RFX1: variants seen among roughly 807,000 people sequenced by gnomAD.
The protein encoded by RFX1 is MHC class II regulatory factor RFX1.
Under a neutral mutation model 119.6 loss-of-function variants are expected in RFX1, and 42 were observed. That is an observed-to-expected ratio of 0.35 (90% CI 0.27 to 0.45). The LOEUF is 0.45. Among genes scored for constraint, RFX1 ranks in the 20% least tolerant of loss-of-function variants. The pLI is 1.00. For missense variants in RFX1, 1,118 were observed against 1,368.1 expected (o/e 0.82, Z 2.88); for synonymous variants, 628 against 618.5 (o/e 1.02, Z -0.23).
Position 13,963,150 on chromosome 19 carries a change from C to G in RFX1, c.2696G>C (p.Gly899Ala). Reference protein sequence around the residue: ...LIEHRVAQAKGETPIAVMGEF... With the variant: ...LIEHRVAQAKAETPIAVMGEF... ...GCCCATGACGGCGATGGGGGTCTCG[C>G]CCTTGGCCTGGGCTACGCGGTGCTC... Residue 899 changes from glycine to alanine, a missense_variant, in exon 19 of 21, where the codon GGC becomes GCC. Gly to Ala is a moderately conservative substitution (Grantham distance 60). Transcript: ENST00000254325. The G allele has an allele frequency of 6.2e-7, 1 of 1,612,344 alleles. No individual in the cohort carries two copies.
Position 13,962,850 on chromosome 19 carries a change from C to A in RFX1, c.2785G>T (p.Glu929Ter), listed in dbSNP as rs1342824790. 1 of 1,527,880 alleles carries A rather than the reference C, an allele frequency of 6.5e-7. No homozygotes were observed. The allele number at this position is 1,527,880 out of a possible 1,614,324, so 94.6% of individuals were successfully genotyped here. Residue 929 changes from glutamate (E) to a stop codon, truncating the protein, a stop_gained, in exon 21 of 21, where the codon GAG (glutamate) becomes TAG (stop). Transcript: ENST00000254325. LOFTEE classifies it high-confidence loss of function. ...LDPDKDEEEE[E>*]EEESEDELPQ... is the part of the protein sequence containing the mutation. ...AGCTCGTCCTCGCTCTCCTCCTCCTCTTCTTCCTCCTCGTCTGGAACACAG... is the reference window on the plus strand; with the variant it reads ...AGCTCGTCCTCGCTCTCCTCCTCCTATTCTTCCTCCTCGTCTGGAACACAG...
rs529831765 is a variant in RFX1, at chr19:13,992,167, A to G, written c.319+1358T>C. Among the ~76,000 whole-genome samples, 191 of 152,258 alleles carry G rather than the reference A, an allele frequency of 1.3e-3. 2 individuals are homozygous for G. The highest frequency in any genetic ancestry group is 4.2e-3 in the African/African-American group (173 of 41,556). On this transcript the variant is annotated intron_variant, in intron 2 of 20. Coordinates refer to ENST00000254325, the MANE Select transcript of RFX1 (RefSeq NM_002918.5). ...CATTAAAAACACACTAGCTGTGCACAGTGGCAGGCGCCTGTAGTCCCAGCT... is the reference window on the plus strand; with the variant it reads ...CATTAAAAACACACTAGCTGTGCACGGTGGCAGGCGCCTGTAGTCCCAGCT...
At chr19:14,001,541 T>C (rs1332043712) in intron 1 of RFX1, among the ~76,000 whole-genome samples, 1 of 152,186 alleles carries the variant, frequency 6.6e-6, no homozygotes, top group Non-Finnish European at 1.5e-5. Flanking sequence ...GCTTAAGTGA[T>C]CCTCATGTCT....
At chr19:13,977,898 G>C in intron 8 of RFX1, 94 bp downstream of exon 8, 2 of 976,084 alleles carry the variant, frequency 2.0e-6, no homozygotes, top group South Asian at 1.5e-5. Flanking sequence ...CGGATGGCCT[G>C]CTGGGGGCTG....
At chr19:13,989,549 G>GAC (rs769296761) in intron 2 of RFX1, among the ~76,000 whole-genome samples, 205 of 151,320 alleles carry the variant, frequency 1.4e-3, no homozygotes, top group African/African-American at 4.2e-3. Context: ...GAGAGAGAGA[G>GAC]AGAGACAGAC....
At chr19:14,005,539 T>G (rs1046179778) in intron 1 of RFX1, among the ~76,000 whole-genome samples, 1 of 152,216 alleles carries the variant, frequency 6.6e-6, no homozygotes, top group East Asian at 1.9e-4. Context: ...ATGTCAATGA[T>G]TCTCCCCATT....
At chr19:13,991,942 G>A (rs1974820544) in intron 2 of RFX1, among the ~76,000 whole-genome samples, 1 of 152,080 alleles carries the variant, frequency 6.6e-6, no homozygotes, top group African/African-American at 2.4e-5. Flanking sequence ...GGTTATAGGT[G>A]TGAGCCACCA....
At chr19:13,998,825 G>C (rs1975119653) in intron 1 of RFX1, among the ~76,000 whole-genome samples, 1 of 152,114 alleles carries the variant, frequency 6.6e-6, no homozygotes, top group African/African-American at 2.4e-5. Context: ...AAGAGACCTG[G>C]CCCCTTGTGG....
At chr19:14,003,433 G>A (rs757892956) in intron 1 of RFX1, among the ~76,000 whole-genome samples, 3 of 132,550 alleles carry the variant, frequency 2.3e-5, no homozygotes, top group Non-Finnish European at 4.7e-5. Flanking sequence ...CCCAGCAAGC[G>A]AGAAGCAAGT....
At position 13,968,687 on chromosome 19, in the gene RFX1, T is replaced by G. The variant is rs771829988; in HGVS notation, c.1617-7A>C. The G allele has an allele frequency of 6.2e-7, 1 of 1,612,494 alleles. No individual in the cohort carries two copies. Among genetic ancestry groups the G allele is most frequent in the Non-Finnish European group, 8.5e-7 (1 of 1,179,676 alleles). On this transcript the variant is annotated splice_polypyrimidine_tract_variant and splice_region_variant and intron_variant, in intron 11 of 20. Coordinates refer to ENST00000254325, the MANE Select transcript of RFX1 (RefSeq NM_002918.5). This position sits in a 1 kb window ranked among gnomAD's most constrained non-coding sequence, Gnocchi z 5.5. Reference sequence around the variant, plus strand: ...CTTCTGGATGGGCTTGAGCCTGGAGTAGAATGGGCAGGTGGGCCGGCTGCT... The same window carrying G: ...CTTCTGGATGGGCTTGAGCCTGGAGGAGAATGGGCAGGTGGGCCGGCTGCT...
chr19:13,964,998 T>C (rs1599472459), intron 16 of RFX1, among the ~76,000 whole-genome samples: 1 of 152,168 alleles, frequency 6.6e-6, no homozygotes, highest in Admixed American at 6.5e-5. Context: ...TGTTTGTTTG[T>C]TTTTCCCAAC....
At position 13,962,484 on chromosome 19, in the gene RFX1, C is replaced by A; in HGVS notation, c.*211G>T. The A allele has an allele frequency of 1.9e-6, 1 of 537,484 alleles. No homozygotes were observed. The highest frequency in any genetic ancestry group is 3.2e-6 in the Non-Finnish European group (1 of 308,504). The allele number at this position is 537,484 out of a possible 1,614,324, so 33.3% of individuals were successfully genotyped here. A position where few individuals can be genotyped will look rare whatever the true frequency, so the allele number is the denominator to read the frequency against. ...GGCACGCGGCGGGTTCCTTAAGGCA[C>A]GTCTTTTGTGTCAGAGTTTGCAGCT... is the stretch of plus-strand genomic sequence containing the variant. On this transcript the variant is annotated 3_prime_UTR_variant, in exon 21 of 21. Coordinates refer to ENST00000254325, the MANE Select transcript of RFX1 (RefSeq NM_002918.5).
At position 13,983,582 on chromosome 19, in the gene RFX1, C is replaced by T. The variant is rs750106310; in HGVS notation, c.333G>A (p.Arg111=). ...IVVTVSEGAM[R]ASETVSEASP... ...TGGCCTCCGACACTGTCTCGCTGGC[C>T]CGCATGGCACCTTCTGTGGGGAGGG... The change falls in exon 3 of 21, where the codon CGG becomes CGA. Residue 111 remains arginine (R), a synonymous_variant. Transcript: ENST00000254325. 7.5e-6 allele frequency: 12 copies of T among 1,603,940 alleles called. No homozygotes were observed. The East Asian group carries it at 2.5e-4, about 33-fold the overall frequency.
Position 13,986,682 on chromosome 19 carries a change from C to T in RFX1, c.320-3087G>A, listed in dbSNP as rs1013056797. On this transcript the variant is annotated intron_variant, in intron 2 of 20. Transcript: ENST00000254325. This position sits in a 1 kb window ranked among gnomAD's most constrained non-coding sequence, Gnocchi z 4.2. Reference sequence around the variant, plus strand: ...CCCCACTGTCTCAGGAAACGGCGGCCGATTTCCTGTCTCTGAATCTGACAC... The same window carrying T: ...CCCCACTGTCTCAGGAAACGGCGGCTGATTTCCTGTCTCTGAATCTGACAC... 3.3e-5 allele frequency among the ~76,000 whole-genome samples: 5 copies of T among 152,152 alleles called. No homozygotes were observed. Among genetic ancestry groups the T allele is most frequent in the Admixed American group, 3.3e-4 (5 of 15,286 alleles).
chr19:13,992,749 G>A (rs1253664289), intron 2 of RFX1, among the ~76,000 whole-genome samples: 1 of 152,204 alleles, frequency 6.6e-6, no homozygotes, highest in African/African-American at 2.4e-5. Context: ...GCCAGGCCAG[G>A]CCTCTGTCTC....
intron 2 of RFX1, among the ~76,000 whole-genome samples, chr19:13,991,654 G>T (rs930116974): frequency 6.6e-6 from 1 of 151,986 alleles, no homozygotes; most frequent in African/African-American, 2.4e-5. Flanking sequence ...GGGGCCAATT[G>T]CTACACTTTT....
At chr19:13,988,703 T>C (rs981288187) in intron 2 of RFX1, among the ~76,000 whole-genome samples, 4 of 152,160 alleles carry the variant, frequency 2.6e-5, no homozygotes, top group African/African-American at 7.2e-5. Flanking sequence ...CATCCCATTA[T>C]TGTAACTTCA....
chr19:13,998,517 T>A (rs1048290346), intron 1 of RFX1, among the ~76,000 whole-genome samples: 2 of 151,198 alleles, frequency 1.3e-5, no homozygotes, highest in African/African-American at 4.9e-5. Context: ...TCCAATGAGA[T>A]CAGCTCAGCA....
Position 13,986,679 on chromosome 19 carries a change from G to C in RFX1, c.320-3084C>G, listed in dbSNP as rs565544017. Among the ~76,000 whole-genome samples, 1 of 152,140 alleles carries C rather than the reference G, an allele frequency of 6.6e-6. No homozygotes were observed. Among genetic ancestry groups the C allele is most frequent in the Admixed American group, 6.5e-5 (1 of 15,282 alleles). On this transcript the variant is annotated intron_variant, in intron 2 of 20. Transcript: ENST00000254325. The surrounding 1 kb of genome is among the most constrained non-coding windows in gnomAD (Gnocchi z 4.2). ...GGCCCCCACTGTCTCAGGAAACGGCGGCCGATTTCCTGTCTCTGAATCTGA... is the reference window on the plus strand; with the variant it reads ...GGCCCCCACTGTCTCAGGAAACGGCCGCCGATTTCCTGTCTCTGAATCTGA...
Sources: allele counts gnomAD v4.1 joint callset (sites outside exome capture counted in the v4.1 genomes callset), GRCh38; gene constraint gnomAD v4.1.1; non-coding constraint Gnocchi (gnomAD v3.1); transcripts MANE v1.5; gene names NCBI Gene and HGNC (gene_info 2026-07-23, HGNC 2026-07-21).